Variants in CACNG5 observed in about 807,000 individuals in gnomAD.
The protein encoded by CACNG5 is voltage-dependent calcium channel gamma-5 subunit.
In CACNG5, 18 loss-of-function variants were observed where a neutral mutation model predicts 24.8. That is an observed-to-expected ratio of 0.73 (90% CI 0.50 to 1.08). CACNG5 has a LOEUF of 1.08. Among genes scored for constraint, CACNG5 ranks in the 50% least tolerant of loss-of-function variants. The pLI, the probability that CACNG5 is intolerant of heterozygous loss-of-function variation, is 0.00. For missense variants in CACNG5, 349 were observed against 367.9 expected (o/e 0.95, Z 0.42); for synonymous variants, 157 against 149.1 (o/e 1.05, Z -0.39).
intron 1 of CACNG5, among the ~76,000 whole-genome samples, chr17:66,865,935 C>T (rs1160777527): frequency 6.6e-6 from 1 of 151,944 alleles, no homozygotes; most frequent in Non-Finnish European, 1.5e-5. Flanking sequence ...GCCACCGCAC[C>T]CGGCCAAGTC....
intron 1 of CACNG5, among the ~76,000 whole-genome samples, chr17:66,873,136 A>AG (rs1181257286): frequency 2.0e-5 from 3 of 152,138 alleles, no homozygotes; most frequent in Non-Finnish European, 4.4e-5. Context: ...ACCTACTCAC[A>AG]GGGTTATCGT....
At chr17:66,852,240 G>A (rs145423699) in intron 1 of CACNG5, among the ~76,000 whole-genome samples, 8 of 152,294 alleles carry the variant, frequency 5.3e-5, no homozygotes, top group Non-Finnish European at 1.0e-4. Flanking sequence ...TGAGAGTAGC[G>A]CTGTAGGTCT....
At position 66,873,761 on chromosome 17, in the gene CACNG5, G is replaced by A. The variant is rs933053111; in HGVS notation, c.-103-3469G>A. On this transcript the variant is annotated intron_variant, in intron 1 of 5. Transcript: ENST00000533854. ...AAGGCAGGTCTTCCTATTCTTCCTG[G>A]CAGGCAGTGTGGTTCCCAAAGTGGG... Among the ~76,000 whole-genome samples, 3 of 152,058 alleles carry A rather than the reference G, an allele frequency of 2.0e-5. No homozygotes were observed. The East Asian group carries it at 5.8e-4, about 29-fold the overall frequency.
chr17:66,878,382 A>G (rs1326366799), intron 2 of CACNG5, among the ~76,000 whole-genome samples: 1 of 152,248 alleles, frequency 6.6e-6, no homozygotes, highest in Non-Finnish European at 1.5e-5. Context: ...CCAGCTTGAT[A>G]GTACAGCTTT....
intron 3 of CACNG5, among the ~76,000 whole-genome samples, chr17:66,880,281 C>T (rs1004462465): frequency 1.3e-5 from 2 of 152,188 alleles, no homozygotes; most frequent in African/African-American, 4.8e-5. Flanking sequence ...GTGTGGACTC[C>T]CAGGAGGGTA....
chr17:66,848,462 G>A (rs893706555), intron 1 of CACNG5, among the ~76,000 whole-genome samples: 1 of 152,182 alleles, frequency 6.6e-6, no homozygotes, highest in African/African-American at 2.4e-5. Flanking sequence ...GGTATGGGCT[G>A]GGCCCTGCAC....
At chr17:66,865,517 T>A (rs766580845) in intron 1 of CACNG5, among the ~76,000 whole-genome samples, 2 of 152,210 alleles carry the variant, frequency 1.3e-5, no homozygotes, top group Non-Finnish European at 2.9e-5. Context: ...GGGACTCTTC[T>A]GTTATGGAGT....
rs753109301 is a variant in CACNG5 at position 66,884,637 on chromosome 17, C to T, written c.546C>T (p.Ala182=). ...NYKYGWSFAF[A]AISFLLTESA... is the part of the protein sequence containing the mutation. ...AGTATGGGTGGTCGTTTGCCTTCGC[C>T]GCCATCTCCTTCCTTTTAACGGAGG... Residue 182 remains alanine, a synonymous_variant, in exon 5 of 6, where the codon GCC becomes GCT. Coordinates refer to ENST00000533854, the MANE Select transcript of CACNG5 (RefSeq NM_145811.3). The T allele has an allele frequency of 5.6e-6, 9 of 1,614,072 alleles. No individual in the cohort carries two copies. The highest frequency in any genetic ancestry group is 1.3e-5 in the African/African-American group (1 of 74,928).
chr17:66,858,906 A>G (rs1207234703), intron 1 of CACNG5, among the ~76,000 whole-genome samples: 1 of 152,322 alleles, frequency 6.6e-6, no homozygotes, highest in Middle Eastern at 3.4e-3. Flanking sequence ...TCATCACTCA[A>G]GAGTCACCAG....
intron 1 of CACNG5, among the ~76,000 whole-genome samples, chr17:66,847,142 A>C (rs1397616157): frequency 1.3e-5 from 2 of 152,166 alleles, no homozygotes; most frequent in Non-Finnish European, 2.9e-5. Context: ...TGAGGCTTGA[A>C]GGAGCTCCAT....
chr17:66,854,018 T>C (rs1037660249), intron 1 of CACNG5, among the ~76,000 whole-genome samples: 2 of 151,698 alleles, frequency 1.3e-5, no homozygotes, highest in African/African-American at 4.9e-5. Flanking sequence ...TCATAGAAAA[T>C]CCAAAGGAAC....
intron 1 of CACNG5, among the ~76,000 whole-genome samples, chr17:66,867,391 T>C (rs1976944637): frequency 6.6e-6 from 1 of 152,234 alleles, no homozygotes; most frequent in Non-Finnish European, 1.5e-5. Context: ...GATGAGTAGA[T>C]TGTAAAAACT....
Position 66,894,219 on chromosome 17 carries a change from C to T in CACNG5, c.*8979C>T, listed in dbSNP as rs1179341883. On this transcript the variant is annotated 3_prime_UTR_variant, in exon 6 of 6. Coordinates refer to ENST00000533854, the MANE Select transcript of CACNG5 (RefSeq NM_145811.3). ...CTGTCCCCATGCGTTGACTGCTCTC[C>T]CCGACCTCCAAGGACTCCTTTCAAT... Among the ~76,000 whole-genome samples the T allele has an allele frequency of 2.6e-5, 4 of 152,156 alleles. No individual in the cohort carries two copies. Among genetic ancestry groups the T allele is most frequent in the Non-Finnish European group, 5.9e-5 (4 of 68,016 alleles).
intron 1 of CACNG5, among the ~76,000 whole-genome samples, chr17:66,841,214 G>A (rs1010446455): frequency 4.6e-5 from 7 of 152,098 alleles, no homozygotes; most frequent in Non-Finnish European, 8.8e-5. Flanking sequence ...AGCATGGAGG[G>A]GGCTTCCAGG....
chr17:66,873,466 C>A (rs926845194), intron 1 of CACNG5, among the ~76,000 whole-genome samples: 3 of 152,150 alleles, frequency 2.0e-5, no homozygotes, highest in African/African-American at 7.2e-5. Flanking sequence ...GATCCAATCT[C>A]CTCTCCACTT....
chr17:66,890,491 G>A lies in CACNG5; in HGVS notation c.*5251G>A, dbSNP rs1568076253. On this transcript the variant is annotated 3_prime_UTR_variant, in exon 6 of 6. Coordinates refer to ENST00000533854, the MANE Select transcript of CACNG5 (RefSeq NM_145811.3). ...CTGGAGTCTCACATCCCTGAACCAGGATCCTGGACCTCTGCTCTGTGACCT... is the reference window on the plus strand; with the variant it reads ...CTGGAGTCTCACATCCCTGAACCAGAATCCTGGACCTCTGCTCTGTGACCT... 6.6e-6 allele frequency among the ~76,000 whole-genome samples: 1 copy of A among 152,230 alleles called. No individual in the cohort carries two copies. Among genetic ancestry groups the A allele is most frequent in the Admixed American group, 6.5e-5 (1 of 15,288 alleles).
At chr17:66,859,012 C>T (rs1976820156) in intron 1 of CACNG5, among the ~76,000 whole-genome samples, 1 of 152,186 alleles carries the variant, frequency 6.6e-6, no homozygotes, top group African/African-American at 2.4e-5. Context: ...GCTGTGGCTC[C>T]TATATGACCT....
intron 1 of CACNG5, among the ~76,000 whole-genome samples, chr17:66,842,127 G>C (rs564366696): frequency 1.8e-4 from 27 of 152,246 alleles, no homozygotes; most frequent in African/African-American, 6.3e-4. Flanking sequence ...CTGCCAAATG[G>C]GCTGGGCTGG....
At position 66,885,009 on chromosome 17, in the gene CACNG5, G is replaced by T. The variant is rs750186007; in HGVS notation, c.597G>T (p.Leu199=). ...TESAGVMSVY[L]FMKRYTAEDM... The stretch of plus-strand genomic sequence containing the variant: ...GTGCCGGGGTGATGTCTGTGTACCT[G>T]TTTATGAAGCGGTACACCGCGGAGG... The change falls in exon 6 of 6, where the codon CTG becomes CTT. Residue 199 remains leucine, a synonymous_variant. Coordinates refer to ENST00000533854, the MANE Select transcript of CACNG5 (RefSeq NM_145811.3). 23 of 1,614,188 alleles carry T rather than the reference G, an allele frequency of 1.4e-5. No homozygotes were observed. In the South Asian group the frequency reaches 1.9e-4, roughly 13 times the overall value.
Sources: gnomAD v4.1 joint callset for allele counts (sites outside exome capture counted in the v4.1 genomes callset) on GRCh38, gnomAD v4.1.1 for gene constraint, MANE v1.5 for transcripts, NCBI Gene and HGNC (gene_info 2026-07-23, HGNC 2026-07-21) for gene names.